CSMD1: variants seen among roughly 807,000 people sequenced by gnomAD.
CSMD1 encodes the protein CUB and Sushi multiple domains 1.
A neutral mutation model predicts 417.5 loss-of-function variants in CSMD1; 213 were observed. The observed-to-expected ratio is 0.51, with a 90% CI of 0.46 to 0.57. The LOEUF (loss-of-function observed/expected upper bound fraction) is 0.57. Among genes scored for constraint, CSMD1 ranks in the 20% least tolerant of loss-of-function variants. CSMD1 has a pLI of 0.00. For synonymous variants in CSMD1, 2,862 were observed against 1,736.8 expected, an observed-to-expected ratio of 1.65 and a Z score of -16.11; for missense variants, 6,923 against 4,529.7, an observed-to-expected ratio of 1.53 and a Z score of -15.17.
chr8:4,681,797 T>A (rs1034482205), intron 1 of CSMD1, among the ~76,000 whole-genome samples: 1 of 152,156 alleles, frequency 6.6e-6, no homozygotes, highest in Non-Finnish European at 1.5e-5. Flanking sequence ...GTTATCTAAA[T>A]AATTTTAAGA....
intron 12 of CSMD1, among the ~76,000 whole-genome samples, chr8:3,411,442 C>T (rs983431870): frequency 4.0e-5 from 6 of 151,822 alleles, no homozygotes; most frequent in African/African-American, 1.5e-4. Flanking sequence ...ATTCCTCATC[C>T]CCTTCACACC....
In CSMD1 at chr8:4,536,716, A is replaced by G. The variant is rs1797120381; in HGVS notation, c.302+100626T>C. Among the ~76,000 whole-genome samples the G allele has an allele frequency of 2.0e-5, 3 of 152,306 alleles. No individual in the cohort carries two copies. In the South Asian group the frequency reaches 6.2e-4, roughly 32 times the overall value. ...AATGCCAGAATAAAAAGTTTTGAGT[A>G]TATGCCACTTTTACTTTCAACAGCA... On this transcript the variant is annotated intron_variant, in intron 2 of 69. Transcript: ENST00000635120.
At chr8:3,424,717 C>T (rs1372304437) in intron 12 of CSMD1, among the ~76,000 whole-genome samples, 1 of 152,172 alleles carries the variant, frequency 6.6e-6, no homozygotes, top group Non-Finnish European at 1.5e-5. Flanking sequence ...AAGGAATTGT[C>T]CTTCTTGATT....
chr8:3,607,629 G>C (rs537058904), intron 8 of CSMD1, among the ~76,000 whole-genome samples: 2 of 152,176 alleles, frequency 1.3e-5, no homozygotes, highest in Admixed American at 1.3e-4. Context: ...AAAATCTTAA[G>C]GGAAAACCAT....
intron 3 of CSMD1, among the ~76,000 whole-genome samples, chr8:4,400,786 A>G (rs1798940783): frequency 6.7e-6 from 1 of 150,124 alleles, no homozygotes; most frequent in South Asian, 2.1e-4. Context: ...TCCTTTTTAA[A>G]AAACTATTGA....
chr8:4,924,056 G>A (rs143998761), intron 1 of CSMD1, among the ~76,000 whole-genome samples: 7 of 152,264 alleles, frequency 4.6e-5, no homozygotes, highest in Middle Eastern at 3.4e-3. Flanking sequence ...CTCAATCACT[G>A]TAGGCAGAAA....
At chr8:3,509,172 T>C (rs1031389754) in intron 10 of CSMD1, among the ~76,000 whole-genome samples, 1 of 152,204 alleles carries the variant, frequency 6.6e-6, no homozygotes, top group Non-Finnish European at 1.5e-5. Flanking sequence ...AAAGTTTCTA[T>C]GTCAAGAAAG....
At chr8:4,298,469 G>A (rs79579356) in intron 3 of CSMD1, among the ~76,000 whole-genome samples, 1 of 152,026 alleles carries the variant, frequency 6.6e-6, no homozygotes, top group Non-Finnish European at 1.5e-5. Flanking sequence ...TACTTAGTGA[G>A]TACAATGTAT....
intron 5 of CSMD1, among the ~76,000 whole-genome samples, chr8:3,757,195 T>G (rs1034465426): frequency 6.6e-6 from 1 of 152,150 alleles, no homozygotes; most frequent in African/African-American, 2.4e-5. Context: ...CTCTTTACCC[T>G]CATCTGTATT....
intron 1 of CSMD1, among the ~76,000 whole-genome samples, chr8:4,837,851 A>G (rs1457413171): frequency 2.0e-5 from 3 of 152,176 alleles, no homozygotes; most frequent in African/African-American, 7.2e-5. Context: ...CTATATCAAA[A>G]CATTTCATGT....
intron 9 of CSMD1, 111 bp downstream of exon 9, chr8:3,586,025 C>G (rs552011673): frequency 8.9e-7 from 1 of 1,120,992 alleles, no homozygotes; most frequent in South Asian, 1.9e-5. Flanking sequence ...ACATTACTAC[C>G]GAATTCTACT....
intron 5 of CSMD1, among the ~76,000 whole-genome samples, chr8:3,967,474 A>C (rs7001755): frequency 4.0e-5 from 6 of 151,366 alleles, no homozygotes; most frequent in Non-Finnish European, 1.5e-5. Flanking sequence ...AAAAAAACAG[A>C]TGGAAAGTTG....
At chr8:3,465,690 T>A (rs1816756783) in intron 12 of CSMD1, among the ~76,000 whole-genome samples, 3 of 152,182 alleles carry the variant, frequency 2.0e-5, no homozygotes, top group African/African-American at 4.8e-5. Context: ...AGTAGGTAGG[T>A]CAGTAAGGGT....
At chr8:4,426,394 A>G (rs1248571506) in intron 2 of CSMD1, among the ~76,000 whole-genome samples, 1 of 149,400 alleles carries the variant, frequency 6.7e-6, no homozygotes, top group African/African-American at 2.4e-5. Context: ...TATATAGTAA[A>G]CCTTTTTATA....
At chr8:3,188,088 G>GTATATATATATATACATATGTATATGTA (rs35871841) in intron 35 of CSMD1, 123 bp from the exon 36 acceptor site, 9 of 275,410 alleles carry the variant, frequency 3.3e-5, no homozygotes, top group African/African-American at 7.4e-5. Context: ...ATATGTATAT[G>GTATATATATATATACATATGTATATGTA]TATATATATA....
intron 10 of CSMD1, among the ~76,000 whole-genome samples, chr8:3,555,264 G>A (rs1245575981): frequency 2.0e-5 from 3 of 152,090 alleles, no homozygotes; most frequent in East Asian, 1.9e-4. Flanking sequence ...TAGGAGTCAT[G>A]AAGCCAATGG....
chr8:3,601,178 C>T (rs73491427), intron 8 of CSMD1, among the ~76,000 whole-genome samples: 3 of 152,094 alleles, frequency 2.0e-5, no homozygotes, highest in Admixed American at 1.3e-4. Context: ...TCATTGTGTC[C>T]GTGGGATTCC....
chr8:4,375,795 C>T (rs1169195065), intron 3 of CSMD1, among the ~76,000 whole-genome samples: 1 of 152,292 alleles, frequency 6.6e-6, no homozygotes, highest in African/African-American at 2.4e-5. Flanking sequence ...TCAAACCATC[C>T]TCATACATTT....
chr8:3,282,202 C>G (rs145319876), intron 26 of CSMD1, among the ~76,000 whole-genome samples: 2 of 152,146 alleles, frequency 1.3e-5, no homozygotes, highest in African/African-American at 2.4e-5. Context: ...CCGGAGAAAA[C>G]TGTGGATATC....
Sources: allele counts gnomAD v4.1 joint callset (sites outside exome capture counted in the v4.1 genomes callset), GRCh38; gene constraint gnomAD v4.1.1; transcripts MANE v1.5; gene names NCBI Gene and HGNC (gene_info 2026-07-23, HGNC 2026-07-21).